The following DLC1 variants were observed in gnomAD, a reference collection of about 807,000 sequenced individuals.
DLC1 encodes rho GTPase-activating protein 7.
DLC1 carries 54 observed loss-of-function variants against 140.3 expected under a neutral mutation model. The ratio of observed to expected loss-of-function variants is 0.38; its 90% CI spans 0.31 to 0.48. The LOEUF is 0.48. Among genes scored for constraint, DLC1 ranks in the 20% least tolerant of loss-of-function variants. The pLI, the probability that DLC1 is intolerant of heterozygous loss-of-function variation, is 0.96. For missense variants in DLC1, 2,536 were observed against 1,907.0 expected, an observed-to-expected ratio of 1.33 and a Z score of -6.14; for synonymous variants, 986 against 728.1, an observed-to-expected ratio of 1.35 and a Z score of -5.70.
chr8:13,128,694 A>C (rs1477727301), intron 5 of DLC1, among the ~76,000 whole-genome samples: 3 of 152,060 alleles, frequency 2.0e-5, no homozygotes, highest in Admixed American at 6.6e-5. Context: ...TTAGCTGGGC[A>C]TTGTGGCGGC....
At chr8:13,126,585 C>G (rs995809382) in intron 5 of DLC1, among the ~76,000 whole-genome samples, 1 of 152,104 alleles carries the variant, frequency 6.6e-6, no homozygotes, top group Non-Finnish European at 1.5e-5. Flanking sequence ...TTTTCTGAGT[C>G]TCATTTTTTT....
At chr8:13,113,583 G>T (rs775308969) in intron 6 of DLC1, among the ~76,000 whole-genome samples, 32 of 152,178 alleles carry the variant, frequency 2.1e-4, no homozygotes, top group Non-Finnish European at 4.1e-4. Flanking sequence ...CATAATTGAA[G>T]AAAACTTAGT....
At chr8:13,152,000 A>G (rs1235500484) in intron 5 of DLC1, among the ~76,000 whole-genome samples, 1 of 152,136 alleles carries the variant, frequency 6.6e-6, no homozygotes, top group African/African-American at 2.4e-5. Flanking sequence ...GTTGTGTTCT[A>G]TCTATTGCTG....
intron 5 of DLC1, among the ~76,000 whole-genome samples, chr8:13,296,419 T>C (rs1469989728): frequency 6.6e-6 from 1 of 152,190 alleles, no homozygotes; most frequent in African/African-American, 2.4e-5. Context: ...TGCAAAGCTG[T>C]CTTATTGGCC....
At chr8:13,245,783 C>T (rs976210736) in intron 5 of DLC1, among the ~76,000 whole-genome samples, 2 of 152,134 alleles carry the variant, frequency 1.3e-5, no homozygotes, top group Non-Finnish European at 2.9e-5. Flanking sequence ...TCACTACAAC[C>T]TCAGCTCCCT....
At chr8:13,374,129 T>C (rs1835853549) in intron 4 of DLC1, among the ~76,000 whole-genome samples, 1 of 152,212 alleles carries the variant, frequency 6.6e-6, no homozygotes, top group Non-Finnish European at 1.5e-5. Context: ...ATTTAATGTA[T>C]AATTTTTGAT....
At chr8:13,361,811 G>T (rs1050743970) in intron 4 of DLC1, among the ~76,000 whole-genome samples, 1 of 152,170 alleles carries the variant, frequency 6.6e-6, no homozygotes, top group South Asian at 2.1e-4. Flanking sequence ...GCTGACAGTA[G>T]GCGTTGCTGC....
chr8:13,169,879 G>A (rs1478609973), intron 5 of DLC1, among the ~76,000 whole-genome samples: 15 of 151,406 alleles, frequency 9.9e-5, no homozygotes, highest in Admixed American at 9.9e-4. Flanking sequence ...AGCCAGATGC[G>A]GTGGCTCATG....
At chr8:13,262,605 G>T (rs527514787) in intron 5 of DLC1, among the ~76,000 whole-genome samples, 97 of 152,204 alleles carry the variant, frequency 6.4e-4, no homozygotes, top group African/African-American at 2.1e-3. Flanking sequence ...TGGCACTCAG[G>T]CAGGAGTGCA....
At chr8:13,206,905 GTGA>G (rs1827691260) in intron 5 of DLC1, among the ~76,000 whole-genome samples, 2 of 151,998 alleles carry the variant, frequency 1.3e-5, no homozygotes, top group African/African-American at 4.8e-5. Context: ...TGACATTTCA[GTGA>G]TGATAAGCAG....
Position 13,100,588 on chromosome 8 carries a change from C to T in DLC1, c.1749G>A (p.Met583Ile), listed in dbSNP as rs777996070. Reference sequence around the variant, plus strand: ...ACACCTCCTGGCGCTCGCTGAGGTCCATCAGCGTGCCTCCGGGGCTGGGGC... The same window carrying T: ...ACACCTCCTGGCGCTCGCTGAGGTCTATCAGCGTGCCTCCGGGGCTGGGGC... ...KDGPSPGGTL[M>I]DLSERQEVSS... Residue 583 changes from methionine (M) to isoleucine (I), a missense_variant, in exon 9 of 18, where the codon ATG becomes ATA. Coordinates refer to ENST00000276297, the MANE Select transcript of DLC1 (RefSeq NM_182643.3). The T allele has an allele frequency of 2.5e-6, 4 of 1,613,834 alleles. No homozygotes were observed. Among genetic ancestry groups the T allele is most frequent in the Middle Eastern group, 1.7e-4 (1 of 6,056 alleles).
chr8:13,541,768 C>A (rs1287121384), intron 1 of DLC1, among the ~76,000 whole-genome samples: 1 of 152,154 alleles, frequency 6.6e-6, no homozygotes, highest in Non-Finnish European at 1.5e-5. Context: ...CCAGGATGAT[C>A]TCGATCTCCT....
At chr8:13,245,421 T>G (rs1829724545) in intron 5 of DLC1, among the ~76,000 whole-genome samples, 3 of 152,356 alleles carry the variant, frequency 2.0e-5, no homozygotes, top group African/African-American at 4.8e-5. Context: ...AGTGGTTGTT[T>G]TACACCACTA....
intron 5 of DLC1, among the ~76,000 whole-genome samples, chr8:13,295,761 T>C (rs1009497401): frequency 6.6e-6 from 1 of 152,098 alleles, no homozygotes; most frequent in African/African-American, 2.4e-5. Flanking sequence ...TTGTTACATG[T>C]AACTTTCCAA....
intron 5 of DLC1, among the ~76,000 whole-genome samples, chr8:13,130,142 A>C (rs1273126214): frequency 1.3e-5 from 2 of 152,214 alleles, no homozygotes; most frequent in Non-Finnish European, 2.9e-5. Context: ...AGTCATAAAA[A>C]TACCACTCTG....
intron 4 of DLC1, among the ~76,000 whole-genome samples, chr8:13,362,396 T>C (rs1456662222): frequency 6.6e-6 from 1 of 152,146 alleles, no homozygotes; most frequent in African/African-American, 2.4e-5. Flanking sequence ...ATTTGTCTGG[T>C]TGCAGTTAGA....
chr8:13,293,940 T>G (rs547871156), intron 5 of DLC1, among the ~76,000 whole-genome samples: 3 of 152,224 alleles, frequency 2.0e-5, no homozygotes, highest in Non-Finnish European at 4.4e-5. Context: ...AATATAGTTC[T>G]GTAGCCAAAA....
intron 4 of DLC1, 89 bp from the exon 5 acceptor site, chr8:13,305,391 G>A (rs1832379731): frequency 7.4e-6 from 10 of 1,344,106 alleles, no homozygotes; most frequent in South Asian, 1.6e-5. Flanking sequence ...AATTAATGAC[G>A]CAAAAATTAA....
rs1211232676 is a variant in DLC1, at chr8:13,084,256, G to C, written c.*1555C>G. On this transcript the variant is annotated 3_prime_UTR_variant, in exon 18 of 18. Transcript: ENST00000276297. The stretch of plus-strand genomic sequence containing the variant: ...GAATATCCATGTATATCTTCATGAG[G>C]AACACTGATATCCAAAATACTCAAA... The C allele has an allele frequency of 6.6e-6, 1 of 152,478 alleles. No homozygotes were observed. Among genetic ancestry groups the C allele is most frequent in the African/African-American group, 2.4e-5 (1 of 41,396 alleles). The allele number at this position is 152,478 out of a possible 1,614,324, so 9.4% of individuals were successfully genotyped here. A position where few individuals can be genotyped will look rare whatever the true frequency, so the allele number is the denominator to read the frequency against.
Sources: allele counts gnomAD v4.1 joint callset (sites outside exome capture counted in the v4.1 genomes callset), GRCh38; gene constraint gnomAD v4.1.1; transcripts MANE v1.5; gene names NCBI Gene and HGNC (gene_info 2026-07-23, HGNC 2026-07-21).